Variants in AAMP observed in about 807,000 individuals in gnomAD.
AAMP encodes the protein angio-associated migratory cell protein.
In AAMP, 12 loss-of-function variants were observed where a neutral mutation model predicts 51.1. The observed-to-expected ratio is 0.23, with a 90% CI of 0.15 to 0.38. AAMP has a LOEUF of 0.38. AAMP is among the 10% of genes least tolerant of loss of function. AAMP has a pLI of 1.00. For missense variants in AAMP, 418 were observed against 557.2 expected (o/e 0.75, Z 2.52); for synonymous variants, 210 against 218.7 (o/e 0.96, Z 0.35).
rs777062830 is a variant in AAMP at position 218,269,386 on chromosome 2, G to A, written c.270C>T (p.His90=). The A allele has an allele frequency of 3.1e-6, 5 of 1,613,840 alleles. No homozygotes were observed. Among genetic ancestry groups the A allele is most frequent in the Non-Finnish European group, 4.2e-6 (5 of 1,180,038 alleles). Residue 90 remains histidine (H), a synonymous_variant, in exon 2 of 11, where the codon CAC becomes CAT. Transcript: ENST00000248450. The part of the protein sequence containing the change: ...PDDSEVTFAL[H]SASVFCVSLD... ...TGGATCGCCTCAAAGACCTACCTGAGTGCAATGCAAAGGTGACCTCGCTAT... is the reference window on the plus strand; with the variant it reads ...TGGATCGCCTCAAAGACCTACCTGAATGCAATGCAAAGGTGACCTCGCTAT...
Position 218,269,488 on chromosome 2 carries a change from CTCT to C in AAMP, c.165_167del (p.Glu59del). On this transcript the variant is annotated inframe_deletion, in exon 2 of 11. Coordinates refer to ENST00000248450, the MANE Select transcript of AAMP (RefSeq NM_001087.5). ...AGCCCTCTTCGTTGCCCTCTTCCTC[CTCT>C]TCTTCCTCAAAGTCCACATCTTCCA... is the stretch of plus-strand genomic sequence containing the variant. 6.2e-7 allele frequency: 1 copy of C among 1,614,248 alleles called. No homozygotes were observed. The highest frequency in any genetic ancestry group is 1.6e-4 in the Middle Eastern group (1 of 6,062).
rs556177388 is a variant in AAMP at position 218,266,469 on chromosome 2, G to A, written c.653C>T (p.Ala218Val). 6.2e-7 allele frequency: 1 copy of A among 1,614,074 alleles called. No individual in the cohort carries two copies. The highest frequency in any genetic ancestry group is 1.1e-5 in the South Asian group (1 of 91,088). Residue 218 changes from alanine to valine, a missense_variant, in exon 5 of 11, where the codon GCC becomes GTC. Coordinates refer to ENST00000248450, the MANE Select transcript of AAMP (RefSeq NM_001087.5). This position sits in a 1 kb window ranked among gnomAD's most constrained non-coding sequence, Gnocchi z 4.7. ...ATCAGGGAGGACTCGGCCACAGGTG[G>A]CTGGGCAGTTGGGACCCTGGAAGGT... ...CKTFQGPNCPATCGRVLPDGK... is the reference protein window; with the variant it reads ...CKTFQGPNCPVTCGRVLPDGK...
intron 2 of AAMP, among the ~76,000 whole-genome samples, chr2:218,268,195 C>A (rs1346507167): frequency 6.6e-6 from 1 of 151,960 alleles, no homozygotes; most frequent in African/African-American, 2.4e-5. Flanking sequence ...TCTCGAACTC[C>A]TAACCTTCTG....
chr2:218,270,116 G>C lies in AAMP; in HGVS notation c.-30C>G, dbSNP rs1690761861. On this transcript the variant is annotated 5_prime_UTR_variant, in exon 1 of 11. Coordinates refer to ENST00000248450, the MANE Select transcript of AAMP (RefSeq NM_001087.5). ...CGCAAGCGGCGGATCCACTTCTCTG[G>C]GCCCAAACGCCTCCCAGAGTCAGCT... The C allele has an allele frequency of 2.5e-6, 4 of 1,611,560 alleles. No individual in the cohort carries two copies. The highest frequency in any genetic ancestry group is 3.4e-6 in the Non-Finnish European group (4 of 1,178,836).
Position 218,264,709 on chromosome 2 carries a change from C to T in AAMP, c.1230-101G>A, listed in dbSNP as rs556788411. The T allele has an allele frequency of 4.7e-6, 5 of 1,068,830 alleles. No homozygotes were observed. The African/African-American group carries it at 6.2e-5, about 13-fold the overall frequency. The allele number at this position is 1,068,830 out of a possible 1,614,324, so 66.2% of individuals were successfully genotyped here. A position where few individuals can be genotyped will look rare whatever the true frequency, so the allele number is the denominator to read the frequency against. Reference sequence around the variant, plus strand: ...TCCAGCACACCCTCAGTTCTAGGGCCCTAGTGCCTAGCACTGGGCCGACAT... The same window carrying T: ...TCCAGCACACCCTCAGTTCTAGGGCTCTAGTGCCTAGCACTGGGCCGACAT... On this transcript the variant is annotated intron_variant, in intron 10 of 10. Transcript: ENST00000248450.
chr2:218,268,113 C>T (rs1422865472), intron 2 of AAMP, among the ~76,000 whole-genome samples: 2 of 151,814 alleles, frequency 1.3e-5, no homozygotes, highest in East Asian at 1.9e-4. Flanking sequence ...GGATTACAGG[C>T]GCCCGCCACC....
At chr2:218,264,632 G>A in intron 10 of AAMP, 24 bp from the exon 11 acceptor site, 1 of 1,609,672 alleles carries the variant, frequency 6.2e-7, no homozygotes, top group South Asian at 1.1e-5. Context: ...GCATGTGATT[G>A]CAGAGACTGG....
chr2:218,269,733 C>T (rs1690741794), intron 1 of AAMP, 199 bp from the exon 2 acceptor site: 2 of 1,047,758 alleles, frequency 1.9e-6, no homozygotes, highest in Non-Finnish European at 2.8e-6. Flanking sequence ...AAGGGAGGGC[C>T]AAGGGGATGA....
At position 218,265,858 on chromosome 2, in the gene AAMP, G is replaced by T. The variant is rs1179561897; in HGVS notation, c.852C>A (p.Ala284=). 1.2e-6 allele frequency: 2 copies of T among 1,613,712 alleles called. No homozygotes were observed. Among genetic ancestry groups the T allele is most frequent in the South Asian group, 2.2e-5 (2 of 91,074 alleles). The change falls in exon 7 of 11, where the codon GCC becomes GCA. Residue 284 remains alanine (A), a synonymous_variant. Coordinates refer to ENST00000248450, the MANE Select transcript of AAMP (RefSeq NM_001087.5). This position sits in a 1 kb window ranked among gnomAD's most constrained non-coding sequence, Gnocchi z 6.6. ...LILTGSVDCQ[A]KLVSATTGKV... Reference sequence around the variant, plus strand: ...TGCCGGTGGTGGCACTGACCAGCTTGGCCTGGCAGTCCACAGAGCCAGTTA... The same window carrying T: ...TGCCGGTGGTGGCACTGACCAGCTTTGCCTGGCAGTCCACAGAGCCAGTTA...
chr2:218,264,413 G>A lies in AAMP; in HGVS notation c.*120C>T, dbSNP rs1259511265. On this transcript the variant is annotated 3_prime_UTR_variant, in exon 11 of 11. Transcript: ENST00000248450. ...GGGAGCAAGTCAGTTGAAGAGGCTG[G>A]AAAGTCATCCAGGGCCCCACCCTCC... 2 of 971,346 alleles carry A rather than the reference G, an allele frequency of 2.1e-6. No individual in the cohort carries two copies. The highest frequency in any genetic ancestry group is 3.3e-6 in the Non-Finnish European group (2 of 611,648). The allele number at this position is 971,346 out of a possible 1,614,324, so 60.2% of individuals were successfully genotyped here.
rs889193929 is a variant in AAMP, at chr2:218,267,268, T to C, written c.394+226A>G. 7.2e-6 allele frequency: 5 copies of C among 693,922 alleles called. No individual in the cohort carries two copies. The East Asian group carries it at 8.1e-5, about 11-fold the overall frequency. 43.0% of individuals were successfully genotyped at this position (693,922 alleles called of 1,614,324 possible). Reference sequence around the variant, plus strand: ...CTCTGCCCGCCTGCTCCTATACCAATGTGGCCTTCTCTGGCCTTTCCTGGA... The same window carrying C: ...CTCTGCCCGCCTGCTCCTATACCAACGTGGCCTTCTCTGGCCTTTCCTGGA... On this transcript the variant is annotated intron_variant, in intron 3 of 10. Coordinates refer to ENST00000248450, the MANE Select transcript of AAMP (RefSeq NM_001087.5). The surrounding 1 kb of genome is among the most constrained non-coding windows in gnomAD (Gnocchi z 4.6).
chr2:218,266,884 T>C lies in AAMP; in HGVS notation c.497A>G (p.Lys166Arg), dbSNP rs1690643824. The part of the protein sequence containing the change: ...GLLKVWQVDT[K>R]EEVWSFEAGD... ...CGCTTCAAAGGACCAGACCTCCTCC[T>C]TAGTGTCCACCTGCCACACTTTCAA... is the stretch of plus-strand genomic sequence containing the variant. Residue 166 changes from lysine to arginine, a missense_variant, in exon 4 of 11, where the codon AAG (lysine) becomes AGG (arginine). Transcript: ENST00000248450. The surrounding 1 kb of genome is among the most constrained non-coding windows in gnomAD (Gnocchi z 4.7). 1.9e-6 allele frequency: 3 copies of C among 1,614,038 alleles called. No individual in the cohort carries two copies. Among genetic ancestry groups the C allele is most frequent in the Non-Finnish European group, 2.5e-6 (3 of 1,180,030 alleles).
At position 218,270,118 on chromosome 2, in the gene AAMP, C is replaced by A. The variant is rs1690762013; in HGVS notation, c.-32G>T. ...CAAGCGGCGGATCCACTTCTCTGGG[C>A]CCAAACGCCTCCCAGAGTCAGCTCT... On this transcript the variant is annotated 5_prime_UTR_variant, in exon 1 of 11. Transcript: ENST00000248450. The A allele has an allele frequency of 6.2e-7, 1 of 1,610,886 alleles. No homozygotes were observed. The highest frequency in any genetic ancestry group is 8.5e-7 in the Non-Finnish European group (1 of 1,178,372).
At position 218,267,397 on chromosome 2, in the gene AAMP, C is replaced by A; in HGVS notation, c.394+97G>T. 6.5e-7 allele frequency: 1 copy of A among 1,540,240 alleles called. No homozygotes were observed. On this transcript the variant is annotated intron_variant, in intron 3 of 10. Transcript: ENST00000248450. The surrounding 1 kb of genome is among the most constrained non-coding windows in gnomAD (Gnocchi z 4.6). ...CAGAGCTGGCACAAAAGAGATGTCACTAAGTGGCTGTTGGATGCACAACCT... is the reference window on the plus strand; with the variant it reads ...CAGAGCTGGCACAAAAGAGATGTCAATAAGTGGCTGTTGGATGCACAACCT...
chr2:218,268,100 C>A (rs1046378517), intron 2 of AAMP, among the ~76,000 whole-genome samples: 1 of 151,876 alleles, frequency 6.6e-6, no homozygotes, highest in Non-Finnish European at 1.5e-5. Context: ...CCCTGAGTAG[C>A]TGGGATTACA....
chr2:218,264,876 TG>T, intron 10 of AAMP, 143 bp downstream of exon 10: 1 of 1,352,210 alleles, frequency 7.4e-7, no homozygotes, highest in Non-Finnish European at 1.0e-6. Flanking sequence ...GCCACTGGAA[TG>T]GGGGCTGGGC....
intron 1 of AAMP, 53 bp from the exon 2 acceptor site, chr2:218,269,587 G>A (rs759193313): frequency 1.2e-6 from 2 of 1,613,426 alleles, no homozygotes; most frequent in South Asian, 2.2e-5. Context: ...TAAGAGGTAC[G>A]GAGAGAAGCA....
chr2:218,267,647 A>C lies in AAMP; in HGVS notation c.275-34T>G, dbSNP rs184665495. On this transcript the variant is annotated intron_variant, in intron 2 of 10. Transcript: ENST00000248450. The surrounding 1 kb of genome is among the most constrained non-coding windows in gnomAD (Gnocchi z 4.6). ...AGAGATATTCCATGGGTAAGGGGAC[A>C]GAGCTCCCACCTAGGGCTCTGTCCT... 2 of 1,613,854 alleles carry C rather than the reference A, an allele frequency of 1.2e-6. No homozygotes were observed. Among genetic ancestry groups the C allele is most frequent in the African/African-American group, 2.7e-5 (2 of 75,052 alleles).
At chr2:218,269,686 A>C in intron 1 of AAMP, 152 bp from the exon 2 acceptor site, 1 of 1,326,640 alleles carries the variant, frequency 7.5e-7, no homozygotes, top group Non-Finnish European at 1.1e-6. Context: ...CGCGGGACAC[A>C]GGACGGGAGG....
Sources: gnomAD v4.1 joint callset for allele counts (sites outside exome capture counted in the v4.1 genomes callset) on GRCh38, gnomAD v4.1.1 for gene constraint, Gnocchi (gnomAD v3.1) non-coding constraint, MANE v1.5 for transcripts, NCBI Gene and HGNC (gene_info 2026-07-23, HGNC 2026-07-21) for gene names.